ABCC1: variants seen among roughly 807,000 people sequenced by gnomAD.
ABCC1 encodes the protein multidrug resistance-associated protein 1.
Under a neutral mutation model 172.9 loss-of-function variants are expected in ABCC1, and 83 were observed. The ratio of observed to expected loss-of-function variants is 0.48; its 90% CI spans 0.40 to 0.58. The LOEUF is 0.58. Ranked by LOEUF, ABCC1 falls within the 20% of genes least tolerant of loss-of-function variation. The pLI is 0.00. For synonymous variants in ABCC1, 937 were observed against 825.2 expected (o/e 1.14, Z -2.32); for missense variants, 1,817 against 2,002.7 (o/e 0.91, Z 1.77).
At chr16:16,048,050 T>C in intron 9 of ABCC1, 92 bp from the exon 10 acceptor site, 2 of 1,465,800 alleles carry the variant, frequency 1.4e-6, no homozygotes, top group East Asian at 2.3e-5. Flanking sequence ...TTTCTGCCCC[T>C]GAGAGTCTCC....
chr16:16,109,310 G>A (rs1158180412), intron 21 of ABCC1, among the ~76,000 whole-genome samples: 1 of 152,056 alleles, frequency 6.6e-6, no homozygotes, highest in Non-Finnish European at 1.5e-5. Context: ...CTGAGTAGCT[G>A]GGACTATAGG....
intron 1 of ABCC1, among the ~76,000 whole-genome samples, chr16:16,004,528 A>G (rs113499404): frequency 0.014 from 2,066 of 152,220 alleles, 43 homozygotes; most frequent in African/African-American, 0.044. Flanking sequence ...TCCACGATCA[A>G]CTTCTTCTTT....
intron 4 of ABCC1, among the ~76,000 whole-genome samples, 154 bp from the exon 5 acceptor site, chr16:16,016,342 C>T (rs969832447): frequency 1.3e-5 from 2 of 151,720 alleles, no homozygotes; most frequent in Non-Finnish European, 2.9e-5. Context: ...TTAGTAGAGA[C>T]GGGGTTTCAC....
chr16:15,987,622 CCT>C (rs1245899920), intron 1 of ABCC1, among the ~76,000 whole-genome samples: 2 of 152,186 alleles, frequency 1.3e-5, no homozygotes, highest in Admixed American at 6.5e-5. Context: ...TCACATGTCC[CCT>C]GAGTGACAAA....
chr16:16,106,939 A>G, intron 21 of ABCC1, 66 bp downstream of exon 21: 1 of 1,596,560 alleles, frequency 6.3e-7, no homozygotes, highest in Non-Finnish European at 8.6e-7. Context: ...TGCACTGGGC[A>G]CTGTGCAAAG....
Position 16,016,364 on chromosome 16 carries a change from G to T in ABCC1, c.490-132G>T, listed in dbSNP as rs1035540965. The T allele has an allele frequency of 6.1e-6, 7 of 1,148,778 alleles. No homozygotes were observed. In the African/African-American group the frequency reaches 1.1e-4, roughly 18 times the overall value. The allele number at this position is 1,148,778 out of a possible 1,614,324, so 71.2% of individuals were successfully genotyped here. A position where few individuals can be genotyped will look rare whatever the true frequency, so the allele number is the denominator to read the frequency against. Reference sequence around the variant, plus strand: ...AGACGGGGTTTCACCATGTTGACCAGGATGGTCTCCAACTCTTGACCTCAG... The same window carrying T: ...AGACGGGGTTTCACCATGTTGACCATGATGGTCTCCAACTCTTGACCTCAG... On this transcript the variant is annotated intron_variant, in intron 4 of 30. Transcript: ENST00000399410.
At chr16:16,136,830 A>T (rs190715206) in intron 29 of ABCC1, among the ~76,000 whole-genome samples, 186 bp downstream of exon 29, 1 of 152,282 alleles carries the variant, frequency 6.6e-6, no homozygotes, top group East Asian at 1.9e-4. Context: ...GGCTCTTTGT[A>T]CCATGAGGTA....
chr16:16,068,112 C>T (rs765257795), intron 12 of ABCC1, 44 bp from the exon 13 acceptor site: 2 of 1,611,372 alleles, frequency 1.2e-6, no homozygotes, highest in Non-Finnish European at 1.7e-6. Context: ...GATGATGACT[C>T]TCACTCGGGG....
rs1367965919 is a variant in ABCC1, at chr16:16,115,005, G to A, written c.3319G>A (p.Val1107Ile). Residue 1107 changes from valine (V) to isoleucine (I), a missense_variant, in exon 23 of 31, where the codon GTT becomes ATT. Val to Ile is a conservative substitution (Grantham distance 29, BLOSUM62 3). Around this residue, in one of 3 missense-constraint regions of ABCC1, gnomAD observed 1,412 missense variants for 1,600.3 expected, o/e 0.88. Transcript: ENST00000399410. ...SLFNVIGACI[V>I]ILLATPIAAI... ...GTTCAACGTCATTGGTGCCTGCATCGTTATCCTGCTGGCCACGCCCATCGC... is the reference window on the plus strand; with the variant it reads ...GTTCAACGTCATTGGTGCCTGCATCATTATCCTGCTGGCCACGCCCATCGC... The A allele has an allele frequency of 2.1e-5, 34 of 1,614,062 alleles. No individual in the cohort carries two copies. The highest frequency in any genetic ancestry group is 5.3e-5 in the African/African-American group (4 of 74,938).
intron 16 of ABCC1, among the ~76,000 whole-genome samples, chr16:16,081,734 T>A (rs914261104): frequency 1.3e-5 from 2 of 152,228 alleles, no homozygotes; most frequent in African/African-American, 4.8e-5. Context: ...TTCAAGAATC[T>A]TCTGGCTGGG....
intron 6 of ABCC1, among the ~76,000 whole-genome samples, chr16:16,035,456 T>C (rs1426377513): frequency 6.6e-6 from 1 of 151,526 alleles, no homozygotes; most frequent in Non-Finnish European, 1.5e-5. Context: ...CTTTGTCATG[T>C]CAGCCTTTTT....
chr16:16,109,488 C>T (rs3784867), intron 21 of ABCC1, among the ~76,000 whole-genome samples: 37,533 of 152,038 alleles, frequency 0.25, 5,031 homozygotes, highest in African/African-American at 0.34. Flanking sequence ...AGATGATTTT[C>T]ATGACCCAAA....
chr16:16,089,994 T>TA lies in ABCC1; in HGVS notation c.2461-405dup, dbSNP rs1475716766. ...TACCTCTTGTCATTCAGGTTTTTGTTAAAAAATAACCTTCCCCATTACCTT... is the reference window on the plus strand; with the variant it reads ...TACCTCTTGTCATTCAGGTTTTTGTTAAAAAAATAACCTTCCCCATTACCTT... On this transcript the variant is annotated intron_variant, in intron 18 of 30. Coordinates refer to ENST00000399410, the MANE Select transcript of ABCC1 (RefSeq NM_004996.4). Among the ~76,000 whole-genome samples the TA allele has an allele frequency of 3.6e-4, 55 of 152,292 alleles. 1 individual carries two copies. The South Asian group carries it at 0.011, about 30-fold the overall frequency.
chr16:16,092,937 A>G (rs2152027604), intron 19 of ABCC1, among the ~76,000 whole-genome samples: 1 of 152,346 alleles, frequency 6.6e-6, no homozygotes, highest in African/African-American at 2.4e-5. Flanking sequence ...CTGTGAGCCA[A>G]AATCATGCCA....
At chr16:16,053,036 A>G (rs1298258061) in intron 11 of ABCC1, among the ~76,000 whole-genome samples, 1 of 152,092 alleles carries the variant, frequency 6.6e-6, no homozygotes, top group Non-Finnish European at 1.5e-5. Flanking sequence ...AGATGTTTTA[A>G]AGCTTCCCAG....
intron 1 of ABCC1, among the ~76,000 whole-genome samples, chr16:15,975,810 C>T (rs1309839414): frequency 6.6e-6 from 1 of 151,972 alleles, no homozygotes; most frequent in Non-Finnish European, 1.5e-5. Context: ...CCCGCCTCAG[C>T]CTCCCAAGGT....
intron 14 of ABCC1, among the ~76,000 whole-genome samples, chr16:16,073,944 A>G (rs983786549): frequency 5.9e-5 from 9 of 152,176 alleles, no homozygotes; most frequent in African/African-American, 1.9e-4. Flanking sequence ...GCGCTCAGGT[A>G]TCTTTAGTGG....
chr16:16,099,113 G>A (rs1168368269), intron 19 of ABCC1, among the ~76,000 whole-genome samples: 3 of 152,222 alleles, frequency 2.0e-5, no homozygotes, highest in Admixed American at 1.3e-4. Flanking sequence ...TGAGTCCCCA[G>A]ATCCCTTTAT....
At chr16:16,126,014 C>A in intron 26 of ABCC1, 103 bp downstream of exon 26, 1 of 740,530 alleles carries the variant, frequency 1.4e-6, no homozygotes, top group Non-Finnish European at 2.2e-6. Flanking sequence ...GAGCTGGATA[C>A]CTCACCAGGT....
Sources: allele counts gnomAD v4.1 joint callset (sites outside exome capture counted in the v4.1 genomes callset), GRCh38; gene constraint gnomAD v4.1.1; regional missense constraint gnomAD v4.1.1; transcripts MANE v1.5; gene names NCBI Gene and HGNC (gene_info 2026-07-23, HGNC 2026-07-21).